The following ZBTB7C variants were observed in gnomAD, a reference collection of about 807,000 sequenced individuals.
ZBTB7C encodes the protein zinc finger and BTB domain-containing protein 7C.
Under a neutral mutation model 25.7 loss-of-function variants are expected in ZBTB7C, and 8 were observed. That is an observed-to-expected ratio of 0.31 (90% CI 0.18 to 0.56). The LOEUF (loss-of-function observed/expected upper bound fraction) is 0.56, where lower values mean the gene tolerates loss of function less well. Ranked by LOEUF, ZBTB7C falls within the 20% of genes least tolerant of loss-of-function variation. ZBTB7C has a pLI of 0.91. For missense variants in ZBTB7C, 824 were observed against 855.2 expected (o/e 0.96, Z 0.46); for synonymous variants, 394 against 369.0 (o/e 1.07, Z -0.78).
chr18:48,186,348 G>A (rs368105426), intron 2 of ZBTB7C, among the ~76,000 whole-genome samples: 15 of 152,344 alleles, frequency 9.8e-5, no homozygotes, highest in East Asian at 7.7e-4. Flanking sequence ...AACCCTGCGC[G>A]TGCAGCTCGG....
chr18:48,226,411 T>C (rs2043093419), intron 2 of ZBTB7C, among the ~76,000 whole-genome samples: 2 of 152,176 alleles, frequency 1.3e-5, no homozygotes, highest in Admixed American at 6.5e-5. Context: ...CAATCAACCA[T>C]ACACACTAAG....
At chr18:48,186,339 ACCCTGCGCGT>A (rs2042053729) in intron 2 of ZBTB7C, among the ~76,000 whole-genome samples, 1 of 152,154 alleles carries the variant, frequency 6.6e-6, no homozygotes, top group Non-Finnish European at 1.5e-5. Flanking sequence ...TTGCCTAGCA[ACCCTGCGCGT>A]GCAGCTCGGA....
chr18:48,411,902 G>A (rs141436814), upstream of ZBTB7C, among the ~76,000 whole-genome samples: 1 of 152,232 alleles, frequency 6.6e-6, no homozygotes, highest in African/African-American at 2.4e-5. Context: ...AGTGAGTGCT[G>A]TAAGATTTAT....
chr18:48,245,088 G>GTCTATATATATATATATATA (rs1384990097), intron 2 of ZBTB7C, among the ~76,000 whole-genome samples: 1 of 43,630 alleles, frequency 2.3e-5, no homozygotes, highest in African/African-American at 7.4e-5. Context: ...TAGTGTGTGT[G>GTCTATATATATATATATATA]TGTGTATATA....
At chr18:48,065,292 C>T (rs2037283589) in intron 3 of ZBTB7C, among the ~76,000 whole-genome samples, 1 of 152,144 alleles carries the variant, frequency 6.6e-6, no homozygotes, top group African/African-American at 2.4e-5. Context: ...TACCTGAATA[C>T]CAGAGCCTTG....
intron 2 of ZBTB7C, among the ~76,000 whole-genome samples, chr18:48,292,790 T>G (rs2045271465): frequency 6.6e-6 from 1 of 151,244 alleles, no homozygotes; most frequent in African/African-American, 2.4e-5. Flanking sequence ...GTCCATGGAG[T>G]GGTATGGAAA....
intron 4 of ZBTB7C, among the ~76,000 whole-genome samples, chr18:48,036,086 T>G (rs1278311134): frequency 6.6e-6 from 1 of 152,216 alleles, no homozygotes; most frequent in Admixed American, 6.5e-5. Context: ...AAGAAATAGT[T>G]TGGTTGATGC....
At chr18:48,150,363 C>T (rs376722134) in intron 3 of ZBTB7C, 57 of 152,056 alleles carry the variant, frequency 3.7e-4, no homozygotes, top group African/African-American at 1.4e-3. Flanking sequence ...GGGCAAATCA[C>T]CTTAGGTCAG....
At chr18:48,138,388 G>C (rs575074529) in intron 3 of ZBTB7C, among the ~76,000 whole-genome samples, 1 of 152,324 alleles carries the variant, frequency 6.6e-6, no homozygotes, top group Admixed American at 6.5e-5. Context: ...CTGCCCCAGA[G>C]AGGCAGGGAA....
intron 2 of ZBTB7C, among the ~76,000 whole-genome samples, chr18:48,195,323 T>A (rs12970128): frequency 6.6e-6 from 1 of 152,002 alleles, no homozygotes; most frequent in Non-Finnish European, 1.5e-5. Flanking sequence ...CCCCACGTGT[T>A]GTGGGAGGGA....
intron 2 of ZBTB7C, among the ~76,000 whole-genome samples, chr18:48,311,158 T>C (rs886100913): frequency 6.6e-6 from 1 of 152,234 alleles, no homozygotes. Context: ...CATAGCACCA[T>C]CTGCTTCCTA....
At chr18:48,122,023 A>G (rs780096454) in intron 3 of ZBTB7C, among the ~76,000 whole-genome samples, 1 of 152,274 alleles carries the variant, frequency 6.6e-6, no homozygotes, top group Non-Finnish European at 1.5e-5. Flanking sequence ...GCATAACAGA[A>G]GGTTTCCTGC....
At chr18:48,151,070 C>A (rs1480044351) in intron 3 of ZBTB7C, among the ~76,000 whole-genome samples, 3 of 152,214 alleles carry the variant, frequency 2.0e-5, no homozygotes, top group Admixed American at 6.5e-5. Flanking sequence ...GCAGTGACAA[C>A]TGGTAACTGA....
chr18:48,125,554 C>T (rs1380713553), intron 3 of ZBTB7C, among the ~76,000 whole-genome samples: 3 of 152,190 alleles, frequency 2.0e-5, no homozygotes, highest in Non-Finnish European at 2.9e-5. Flanking sequence ...TTCCCCAGAC[C>T]ACAGCAGACA....
At chr18:48,318,344 C>A (rs1298324432) in intron 2 of ZBTB7C, among the ~76,000 whole-genome samples, 1 of 152,186 alleles carries the variant, frequency 6.6e-6, no homozygotes, top group Non-Finnish European at 1.5e-5. Context: ...TGCCCCCATC[C>A]CTCCAGATGA....
chr18:48,152,686 C>G (rs1162232085), intron 3 of ZBTB7C, among the ~76,000 whole-genome samples: 1 of 152,192 alleles, frequency 6.6e-6, no homozygotes, highest in African/African-American at 2.4e-5. Flanking sequence ...AAGATAAAGT[C>G]TTGGTGCAGT....
intron 3 of ZBTB7C, among the ~76,000 whole-genome samples, chr18:48,058,421 C>G (rs765262666): frequency 5.3e-5 from 8 of 152,210 alleles, no homozygotes; most frequent in Non-Finnish European, 1.2e-4. Flanking sequence ...TCTCTCTGAC[C>G]TGGGGTCTTT....
intron 2 of ZBTB7C, among the ~76,000 whole-genome samples, chr18:48,196,571 G>T (rs80137418): frequency 6.6e-6 from 1 of 152,116 alleles, no homozygotes; most frequent in Non-Finnish European, 1.5e-5. Flanking sequence ...TTGTGTCACC[G>T]CTGTGCACAT....
chr18:48,112,253 T>C (rs1219000289), intron 3 of ZBTB7C, among the ~76,000 whole-genome samples: 3 of 146,456 alleles, frequency 2.0e-5, no homozygotes, highest in Non-Finnish European at 4.4e-5. Flanking sequence ...TCCAGTTTAA[T>C]TTTTTTCTTT....
Sources: gnomAD v4.1 joint callset for allele counts (sites outside exome capture counted in the v4.1 genomes callset) on GRCh38, gnomAD v4.1.1 for gene constraint, MANE v1.5 for transcripts, NCBI Gene and HGNC (gene_info 2026-07-23, HGNC 2026-07-21) for gene names.